The following OR2AJ1 variants were observed in gnomAD, a reference collection of about 807,000 sequenced individuals.
The protein encoded by OR2AJ1 is olfactory receptor 2AJ1.
For synonymous variants in OR2AJ1, 105 were observed against 60.3 expected (o/e 1.74, Z -3.44); for missense variants, 280 against 163.2 (o/e 1.72, Z -3.90).
Position 247,934,845 on chromosome 1 carries a change from T to G in OR2AJ1, c.*90T>G. The G allele has an allele frequency of 1.7e-6, 1 of 602,614 alleles. No individual in the cohort carries two copies. The highest frequency in any genetic ancestry group is 2.9e-6 in the Non-Finnish European group (1 of 340,022). 37.3% of individuals were successfully genotyped at this position (602,614 alleles called of 1,614,324 possible). On this transcript the variant is annotated 3_prime_UTR_variant, in exon 2 of 2. Coordinates refer to ENST00000318244, the MANE Select transcript of OR2AJ1 (RefSeq NM_001355235.2). The stretch of plus-strand genomic sequence containing the variant: ...TAAGAAGTGAATATTTCAGAAACAT[T>G]GTTAATAATAAACAATAATATGTGT...
In OR2AJ1 at chr1:247,934,261, C is replaced by T. The variant is rs775855711; in HGVS notation, c.493C>T (p.Gln165Ter). 1 of 723,524 alleles carries T rather than the reference C, an allele frequency of 1.4e-6. No homozygotes were observed. The allele number at this position is 723,524 out of a possible 1,614,324, so 44.8% of individuals were successfully genotyped here. The change falls in exon 2 of 2, where the codon CAG becomes TAG. Residue 165 changes from glutamine (Q) to a stop codon, truncating the protein, a stop_gained. Transcript: ENST00000318244. LOFTEE classifies it low-confidence loss of function (END_TRUNC). ...NSTVHTAYAL[Q>*]FPFCGSRAID... ...CACAGTCCACACAGCTTATGCACTG[C>T]AGTTTCCCTTCTGTGGCTCTAGGGC... is the stretch of plus-strand genomic sequence containing the variant.
chr1:247,934,827 T>C lies in OR2AJ1; in HGVS notation c.*72T>C. On this transcript the variant is annotated 3_prime_UTR_variant, in exon 2 of 2. Coordinates refer to ENST00000318244, the MANE Select transcript of OR2AJ1 (RefSeq NM_001355235.2). ...CTTCTATCTTACCACATATAAGAAG[T>C]GAATATTTCAGAAACATTGTTAATA... 3.3e-6 allele frequency: 2 copies of C among 607,126 alleles called. No individual in the cohort carries two copies. The highest frequency in any genetic ancestry group is 5.8e-6 in the Non-Finnish European group (2 of 342,164). The allele number at this position is 607,126 out of a possible 1,614,324, so 37.6% of individuals were successfully genotyped here.
In OR2AJ1 at chr1:247,934,143, T is replaced by C. The variant is rs1273029248; in HGVS notation, c.375T>C (p.Ala125=). 1 of 717,062 alleles carries C rather than the reference T, an allele frequency of 1.4e-6. No individual in the cohort carries two copies. Among genetic ancestry groups the C allele is most frequent in the Admixed American group, 2.0e-5 (1 of 50,120 alleles). 44.4% of individuals were successfully genotyped at this position (717,062 alleles called of 1,614,324 possible). A position where few individuals can be genotyped will look rare whatever the true frequency, so the allele number is the denominator to read the frequency against. Residue 125 remains alanine (A), a synonymous_variant, in exon 2 of 2, where the codon GCT becomes GCC. Coordinates refer to ENST00000318244, the MANE Select transcript of OR2AJ1 (RefSeq NM_001355235.2). ...LAAMSCDRYV[A]ICHPLRYPIL... Reference sequence around the variant, plus strand: ...CAATGTCCTGTGATCGCTATGTGGCTATCTGTCACCCGCTGCGCTATCCGA... The same window carrying C: ...CAATGTCCTGTGATCGCTATGTGGCCATCTGTCACCCGCTGCGCTATCCGA...
At chr1:247,933,326 A>G (rs1660174248) in intron 1 of OR2AJ1, among the ~76,000 whole-genome samples, 1 of 152,238 alleles carries the variant, frequency 6.6e-6, no homozygotes, top group African/African-American at 2.4e-5. Flanking sequence ...TATTTAATGT[A>G]CTAGAAGGTG....
intron 1 of OR2AJ1, among the ~76,000 whole-genome samples, chr1:247,925,370 G>A (rs747744466): frequency 6.6e-6 from 1 of 152,158 alleles, no homozygotes; most frequent in Non-Finnish European, 1.5e-5. Context: ...TTCTGAGGGG[G>A]AGAGAGTCAT....
chr1:247,934,202 C>G lies in OR2AJ1; in HGVS notation c.434C>G (p.Ala145Gly), dbSNP rs756137973. The change falls in exon 2 of 2, where the codon GCT (alanine) becomes GGT (glycine). Residue 145 changes from alanine (A) to glycine (G), a missense_variant. Physicochemically the swap from Ala to Gly is moderately conservative, Grantham distance 60. Transcript: ENST00000318244. ...LMKEYASALM[A>G]GGSWLIGVFN... is the part of the protein sequence containing the mutation. ...AAGGAGTATGCCAGCGCTCTCATGG[C>G]TGGAGGCTCCTGGCTCATTGGGGTT... is the stretch of plus-strand genomic sequence containing the variant. 1 of 718,316 alleles carries G rather than the reference C, an allele frequency of 1.4e-6. No individual in the cohort carries two copies. Among genetic ancestry groups the G allele is most frequent in the East Asian group, 2.7e-5 (1 of 37,346 alleles). 44.5% of individuals were successfully genotyped at this position (718,316 alleles called of 1,614,324 possible).
intron 1 of OR2AJ1, among the ~76,000 whole-genome samples, chr1:247,929,209 C>T (rs4925784): frequency 0.65 from 99,397 of 152,064 alleles, 34,130 homozygotes; most frequent in Middle Eastern, 0.78. Flanking sequence ...TTTTCATGTG[C>T]GCATGTGGGT....
chr1:247,933,989 T>G lies in OR2AJ1; in HGVS notation c.221T>G (p.Val74Gly), dbSNP rs1558371764. 1 of 717,630 alleles carries G rather than the reference T, an allele frequency of 1.4e-6. No individual in the cohort carries two copies. The highest frequency in any genetic ancestry group is 1.5e-5 in the South Asian group (1 of 67,604). The allele number at this position is 717,630 out of a possible 1,614,324, so 44.5% of individuals were successfully genotyped here. A position where few individuals can be genotyped will look rare whatever the true frequency, so the allele number is the denominator to read the frequency against. The stretch of plus-strand genomic sequence containing the variant: ...CTCTCCTTAATGGATATCTTGCATG[T>G]TTCCAACATCGTTCCCAAAATGGTC... ...SHLSLMDILH[V>G]SNIVPKMVTN... The change falls in exon 2 of 2, where the codon GTT becomes GGT. Residue 74 changes from valine to glycine, a missense_variant. Coordinates refer to ENST00000318244, the MANE Select transcript of OR2AJ1 (RefSeq NM_001355235.2).
Position 247,933,961 on chromosome 1 carries a change from C to A in OR2AJ1, c.193C>A (p.His65Asn). The change falls in exon 2 of 2, where the codon CAT becomes AAT. Residue 65 changes from histidine (H) to asparagine (N), a missense_variant. Coordinates refer to ENST00000318244, the MANE Select transcript of OR2AJ1 (RefSeq NM_001355235.2). The part of the protein sequence containing the change: ...LHTPMYFLLS[H>N]LSLMDILHVS... ...CACTCCAATGTATTTTCTGCTCAGCCATCTCTCCTTAATGGATATCTTGCA... is the reference window on the plus strand; with the variant it reads ...CACTCCAATGTATTTTCTGCTCAGCAATCTCTCCTTAATGGATATCTTGCA... 1 of 717,652 alleles carries A rather than the reference C, an allele frequency of 1.4e-6. No individual in the cohort carries two copies. Among genetic ancestry groups the A allele is most frequent in the Non-Finnish European group, 2.6e-6 (1 of 385,114 alleles). The allele number at this position is 717,652 out of a possible 1,614,324, so 44.5% of individuals were successfully genotyped here.
At chr1:247,929,214 G>T (rs112808235) in intron 1 of OR2AJ1, among the ~76,000 whole-genome samples, 2,443 of 152,298 alleles carry the variant, frequency 0.016, 58 homozygotes, top group African/African-American at 0.056. Context: ...ATGTGCGCAT[G>T]TGGGTGAGGA....
At chr1:247,927,508 G>GTGTGTGTGTGTGTGTA (rs999825170) in intron 1 of OR2AJ1, among the ~76,000 whole-genome samples, 1 of 151,946 alleles carries the variant, frequency 6.6e-6, no homozygotes, top group African/African-American at 2.4e-5. Context: ...GTGTGTGTGT[G>GTGTGTGTGTGTGTGTA]TGTGTGTGTG....
In OR2AJ1 at chr1:247,934,395, C is replaced by G. The variant is rs186074991; in HGVS notation, c.627C>G (p.Ile209Met). 7.3e-4 allele frequency: 527 copies of G among 718,472 alleles called. No homozygotes were observed. Among genetic ancestry groups the G allele is most frequent in the Non-Finnish European group, 8.7e-4 (337 of 385,568 alleles). 44.5% of individuals were successfully genotyped at this position (718,472 alleles called of 1,614,324 possible). The change falls in exon 2 of 2, where the codon ATC (isoleucine) becomes ATG (methionine). Residue 209 changes from isoleucine (I) to methionine (M), a missense_variant. Coordinates refer to ENST00000318244, the MANE Select transcript of OR2AJ1 (RefSeq NM_001355235.2). Reference protein sequence around the residue: ...VCVSAVIFLLIPFSLISASYG... With the variant: ...VCVSAVIFLLMPFSLISASYG... ...TAAGTGCTGTGATCTTCCTGCTGAT[C>G]CCTTTCTCCTTGATCTCTGCTTCTT...
chr1:247,929,800 T>A (rs1660133040), intron 1 of OR2AJ1, among the ~76,000 whole-genome samples: 1 of 152,184 alleles, frequency 6.6e-6, no homozygotes, highest in African/African-American at 2.4e-5. Flanking sequence ...AATGAAATAT[T>A]TTTGGGATAT....
At position 247,934,076 on chromosome 1, in the gene OR2AJ1, T is replaced by A; in HGVS notation, c.308T>A (p.Leu103Gln). The A allele has an allele frequency of 1.4e-6, 1 of 717,928 alleles. No individual in the cohort carries two copies. Among genetic ancestry groups the A allele is most frequent in the South Asian group, 1.5e-5 (1 of 67,608 alleles). 44.5% of individuals were successfully genotyped at this position (717,928 alleles called of 1,614,324 possible). A position where few individuals can be genotyped will look rare whatever the true frequency, so the allele number is the denominator to read the frequency against. Residue 103 changes from leucine (L) to glutamine (Q), a missense_variant, in exon 2 of 2, where the codon CTG (leucine) becomes CAG (glutamine). Transcript: ENST00000318244. ...GCAGGTTGTGGGTTCCAGGTATTTC[T>A]GTCCCTCACCCTCCTGGGTGGTGAG... is the stretch of plus-strand genomic sequence containing the variant. ...SFAGCGFQVF[L>Q]SLTLLGGECL...
chr1:247,931,607 A>G (rs576312452), intron 1 of OR2AJ1, among the ~76,000 whole-genome samples: 1 of 152,368 alleles, frequency 6.6e-6, no homozygotes, highest in African/African-American at 2.4e-5. Flanking sequence ...AAGAAAAAAT[A>G]CAGGTATTAT....
chr1:247,925,255 C>T (rs915837036), intron 1 of OR2AJ1, 87 bp downstream of exon 1: 4 of 152,282 alleles, frequency 2.6e-5, no homozygotes, highest in African/African-American at 7.2e-5. Context: ...GTTCAGAGCG[C>T]GCTAGGGTAC....
intron 1 of OR2AJ1, among the ~76,000 whole-genome samples, chr1:247,931,236 C>T (rs1412226578): frequency 2.6e-5 from 4 of 152,136 alleles, no homozygotes; most frequent in Non-Finnish European, 5.9e-5. Flanking sequence ...ATACTTGGAG[C>T]TAGATGGGTG....
At chr1:247,927,650 T>C (rs772134373) in intron 1 of OR2AJ1, among the ~76,000 whole-genome samples, 16 of 152,202 alleles carry the variant, frequency 1.1e-4, no homozygotes, top group African/African-American at 1.7e-4. Flanking sequence ...TTTGTACTCA[T>C]TGAGCAACTT....
intron 1 of OR2AJ1, among the ~76,000 whole-genome samples, chr1:247,931,621 G>A (rs1229615130): frequency 2.6e-5 from 4 of 152,134 alleles, no homozygotes; most frequent in African/African-American, 7.2e-5. Flanking sequence ...GTATTATTGC[G>A]TAGATGATAT....
Sources: gnomAD v4.1 joint callset for allele counts (sites outside exome capture counted in the v4.1 genomes callset) on GRCh38, gnomAD v4.1.1 for gene constraint, MANE v1.5 for transcripts, NCBI Gene and HGNC (gene_info 2026-07-23, HGNC 2026-07-21) for gene names.